ARHGEF40: variants seen among roughly 807,000 people sequenced by gnomAD.
ARHGEF40 encodes Rho guanine nucleotide exchange factor 40.
In ARHGEF40, 98 loss-of-function variants were observed where a neutral mutation model predicts 165.9. That is an observed-to-expected ratio of 0.59 (90% confidence interval 0.50 to 0.70). The LOEUF is 0.70. Among genes scored for constraint, ARHGEF40 ranks in the 30% least tolerant of loss-of-function variants. The probability of loss-of-function intolerance (pLI) is 0.00; values close to 1 mark genes in which losing one functional copy is unlikely to be tolerated. For synonymous variants in ARHGEF40, 792 were observed against 814.3 expected (o/e 0.97, Z 0.47); for missense variants, 1,815 against 1,968.0 (o/e 0.92, Z 1.47).
At chr14:21,070,278 ACCGCG>A, upstream of ARHGEF40, 1 of 1,097,542 alleles carries the variant, frequency 9.1e-7, no homozygotes, top group Non-Finnish European at 1.1e-6. The surrounding 1 kb of genome is among the most constrained non-coding windows in gnomAD (Gnocchi z 4.7). Context: ...CCGAGCCGCC[ACCGCG>A]GCCGGAGCTG....
chr14:21,081,213 C>T (rs1445539384), intron 13 of ARHGEF40, 197 bp downstream of exon 13: 16 of 908,582 alleles, frequency 1.8e-5, no homozygotes, highest in Non-Finnish European at 2.6e-5. Context: ...CATAGATCTA[C>T]CTCACAGGGC....
chr14:21,063,527 T>C, the ARHGEF40 span, among the ~76,000 whole-genome samples: 1 of 152,074 alleles, frequency 6.6e-6, no homozygotes, highest in Admixed American at 6.6e-5. Flanking sequence ...AGGTAGACAC[T>C]AAGTACAAAA....
Position 21,070,439 on chromosome 14 carries a change from T to A in ARHGEF40, c.3+40T>A. ...GCAGCCCCCTGGGTCCCCTCGGCCTTCGCGCAGCCCGCTCCGGGCCCCCAA... is the reference window on the plus strand; with the variant it reads ...GCAGCCCCCTGGGTCCCCTCGGCCTACGCGCAGCCCGCTCCGGGCCCCCAA... On this transcript the variant is annotated intron_variant, in intron 1 of 23. Transcript: ENST00000298694. This position sits in a 1 kb window ranked among gnomAD's most constrained non-coding sequence, Gnocchi z 4.7. 2 of 1,376,132 alleles carry A rather than the reference T, an allele frequency of 1.5e-6. No homozygotes were observed. The highest frequency in any genetic ancestry group is 1.9e-6 in the Non-Finnish European group (2 of 1,072,068). The allele number at this position is 1,376,132 out of a possible 1,614,324, so 85.2% of individuals were successfully genotyped here. A position where few individuals can be genotyped will look rare whatever the true frequency, so the allele number is the denominator to read the frequency against.
Position 21,075,728 on chromosome 14 carries a change from C to T in ARHGEF40, c.1702C>T (p.Leu568=). 6.2e-7 allele frequency: 1 copy of T among 1,613,746 alleles called. No homozygotes were observed. The highest frequency in any genetic ancestry group is 8.5e-7 in the Non-Finnish European group (1 of 1,179,992). ...GGAGCCCCCACCCTCCCGAGACACG[C>T]TGAACACAACTCTTCATTACCTCCA... ...PEEPPPSRDT[L]NTTLHYLHSL... is the part of the protein sequence containing the mutation. Residue 568 remains leucine, a synonymous_variant, in exon 5 of 24, where the codon CTG becomes TTG. Transcript: ENST00000298694. The surrounding 1 kb of genome is among the most constrained non-coding windows in gnomAD (Gnocchi z 4.5).
chr14:21,068,915 T>C (rs1239391547), upstream of ARHGEF40, among the ~76,000 whole-genome samples: 4 of 152,176 alleles, frequency 2.6e-5, no homozygotes, highest in African/African-American at 9.7e-5. Context: ...GAAGAGCAAG[T>C]CACCTTGGCG....
chr14:21,064,452 C>T, the ARHGEF40 span, among the ~76,000 whole-genome samples: 6 of 152,136 alleles, frequency 3.9e-5, no homozygotes, highest in Middle Eastern at 3.2e-3. Flanking sequence ...CAGGTGCACA[C>T]TGCCACACCC....
the ARHGEF40 span, among the ~76,000 whole-genome samples, chr14:21,064,652 T>C: frequency 1.3e-5 from 2 of 152,166 alleles, no homozygotes; most frequent in African/African-American, 4.8e-5. Flanking sequence ...TACTTATGCG[T>C]GGAAATATAT....
chr14:21,076,236 A>C (rs1052034498), intron 5 of ARHGEF40, 124 bp from the exon 6 acceptor site: 1 of 792,262 alleles, frequency 1.3e-6, no homozygotes, highest in South Asian at 1.7e-5. Flanking sequence ...TCCCAAATGT[A>C]CCGGCAACTA....
At chr14:21,077,669 C>T (rs1252462749) in intron 8 of ARHGEF40, among the ~76,000 whole-genome samples, 1 of 152,184 alleles carries the variant, frequency 6.6e-6, no homozygotes, top group Non-Finnish European at 1.5e-5. Flanking sequence ...AATATAATTG[C>T]TAAAGGTCCT....
At chr14:21,077,587 G>C (rs193014238) in intron 8 of ARHGEF40, among the ~76,000 whole-genome samples, 13 of 152,258 alleles carry the variant, frequency 8.5e-5, no homozygotes, top group African/African-American at 2.9e-4. Context: ...CAGAAATAGT[G>C]CCCTTTCTGT....
Position 21,089,774 on chromosome 14 carries a change from C to T in ARHGEF40, c.*766C>T. Reference sequence around the variant, plus strand: ...ACACACTCTCTGAAGCTCCTTCTCCCACACTGCACCTACTCCTTGAGGCTG... The same window carrying T: ...ACACACTCTCTGAAGCTCCTTCTCCTACACTGCACCTACTCCTTGAGGCTG... On this transcript the variant is annotated 3_prime_UTR_variant, in exon 24 of 24. Coordinates refer to ENST00000298694, the MANE Select transcript of ARHGEF40 (RefSeq NM_018071.5). 6.5e-6 allele frequency: 1 copy of T among 152,966 alleles called. No individual in the cohort carries two copies. Among genetic ancestry groups the T allele is most frequent in the Non-Finnish European group, 1.5e-5 (1 of 68,594 alleles). 9.5% of individuals were successfully genotyped at this position (152,966 alleles called of 1,614,324 possible). A position where few individuals can be genotyped will look rare whatever the true frequency, so the allele number is the denominator to read the frequency against.
intron 11 of ARHGEF40, among the ~76,000 whole-genome samples, chr14:21,079,491 G>A (rs766982440): frequency 2.0e-5 from 3 of 152,142 alleles, no homozygotes; most frequent in Non-Finnish European, 2.9e-5. Context: ...GGAACTACAG[G>A]CTTCTTTGTG....
rs1360201697 is a variant in ARHGEF40, at chr14:21,073,502, C to T, written c.201+260C>T. The stretch of plus-strand genomic sequence containing the variant: ...TCATCTTGACCCCAATACTGACCCC[C>T]AAAGACCCTAACTCTCCAGACCCAA... On this transcript the variant is annotated intron_variant, in intron 2 of 23. Coordinates refer to ENST00000298694, the MANE Select transcript of ARHGEF40 (RefSeq NM_018071.5). This position sits in a 1 kb window ranked among gnomAD's most constrained non-coding sequence, Gnocchi z 4.6. Among the ~76,000 whole-genome samples, 2 of 152,000 alleles carry T rather than the reference C, an allele frequency of 1.3e-5. No individual in the cohort carries two copies. Among genetic ancestry groups the T allele is most frequent in the Non-Finnish European group, 2.9e-5 (2 of 68,000 alleles).
chr14:21,066,501 G>A (rs1886274875), upstream of ARHGEF40, among the ~76,000 whole-genome samples: 1 of 152,076 alleles, frequency 6.6e-6, no homozygotes, highest in Non-Finnish European at 1.5e-5. Context: ...TGTATTTTTA[G>A]TAGAGACAGG....
chr14:21,080,035 T>C (rs1032597888), intron 11 of ARHGEF40, among the ~76,000 whole-genome samples: 1 of 152,118 alleles, frequency 6.6e-6, no homozygotes, highest in Non-Finnish European at 1.5e-5. Context: ...GTGGTTATTG[T>C]TGGCACTGGC....
chr14:21,070,347 C>A lies in ARHGEF40; in HGVS notation c.-50C>A. 7.1e-7 allele frequency: 1 copy of A among 1,403,410 alleles called. No homozygotes were observed. Among genetic ancestry groups the A allele is most frequent in the Non-Finnish European group, 9.2e-7 (1 of 1,083,962 alleles). 86.9% of individuals were successfully genotyped at this position (1,403,410 alleles called of 1,614,324 possible). On this transcript the variant is annotated 5_prime_UTR_variant, in exon 1 of 24. Transcript: ENST00000298694. This position sits in a 1 kb window ranked among gnomAD's most constrained non-coding sequence, Gnocchi z 4.7. The stretch of plus-strand genomic sequence containing the variant: ...GCGGCGGGAGGGAGGCGGTGGCGCG[C>A]CCGGCCCCGCCCGCCCGACCAAGCG...
intron 11 of ARHGEF40, among the ~76,000 whole-genome samples, chr14:21,080,143 A>T (rs952450551): frequency 2.0e-5 from 3 of 151,474 alleles, no homozygotes; most frequent in Admixed American, 2.0e-4. Flanking sequence ...TTCTGGTCAA[A>T]CATCTCAGAA....
At chr14:21,081,316 A>G (rs1887871874) in intron 13 of ARHGEF40, 193 bp from the exon 14 acceptor site, 1 of 841,310 alleles carries the variant, frequency 1.2e-6, no homozygotes. Flanking sequence ...ATTCTTTTAT[A>G]TAGGCTCTTC....
At position 21,076,345 on chromosome 14, in the gene ARHGEF40, T is replaced by A; in HGVS notation, c.1740-15T>A. ...ACACACACAGCAGCCTCCTTGGCTC[T>A]TCCTGCTCCCGCAGGCCTGATCTAC... On this transcript the variant is annotated splice_polypyrimidine_tract_variant and intron_variant, in intron 5 of 23. Transcript: ENST00000298694. The A allele has an allele frequency of 6.2e-7, 1 of 1,610,588 alleles. No homozygotes were observed.
Sources: allele counts gnomAD v4.1 joint callset (sites outside exome capture counted in the v4.1 genomes callset), GRCh38; gene constraint gnomAD v4.1.1; non-coding constraint Gnocchi (gnomAD v3.1); transcripts MANE v1.5; gene names NCBI Gene and HGNC (gene_info 2026-07-23, HGNC 2026-07-21).